The following C10orf90 variants were observed in gnomAD, a reference collection of about 807,000 sequenced individuals.
C10orf90 encodes (E2-independent) E3 ubiquitin-conjugating enzyme FATS.
A neutral mutation model predicts 62.5 loss-of-function variants in C10orf90; 56 were observed. The ratio of observed to expected loss-of-function variants is 0.90; its 90% CI spans 0.72 to 1.12. The LOEUF (loss-of-function observed/expected upper bound fraction) is 1.12. Ranked by LOEUF, C10orf90 falls within the 50% of genes most tolerant of loss-of-function variation. The pLI is 0.00. For missense variants in C10orf90, 970 were observed against 880.4 expected, an observed-to-expected ratio of 1.10 and a Z score of -1.29; for synonymous variants, 386 against 340.4, an observed-to-expected ratio of 1.13 and a Z score of -1.47.
chr10:126,535,766 C>T (rs948758691), intron 2 of C10orf90, among the ~76,000 whole-genome samples: 4 of 152,150 alleles, frequency 2.6e-5, no homozygotes, highest in African/African-American at 7.2e-5. Context: ...CTTTTCCTTT[C>T]TGAACACCCT....
intron 2 of C10orf90, among the ~76,000 whole-genome samples, chr10:126,591,262 A>G (rs1172526081): frequency 1.3e-5 from 2 of 152,218 alleles, no homozygotes; most frequent in Non-Finnish European, 2.9e-5. Flanking sequence ...ACTTCAGGCC[A>G]ATATCCCTGA....
chr10:126,643,397 T>C (rs1467401332), intron 2 of C10orf90, among the ~76,000 whole-genome samples: 1 of 152,198 alleles, frequency 6.6e-6, no homozygotes, highest in Non-Finnish European at 1.5e-5. Context: ...AGGACCTCTG[T>C]GGCCCCTCCC....
intron 2 of C10orf90, among the ~76,000 whole-genome samples, chr10:126,527,209 C>T (rs1273921668): frequency 6.6e-6 from 1 of 152,188 alleles, no homozygotes; most frequent in Non-Finnish European, 1.5e-5. Context: ...TTTTCGCCAG[C>T]CTTCCTCACA....
chr10:126,658,936 A>T (rs749783444), intron 1 of C10orf90, among the ~76,000 whole-genome samples: 1 of 152,118 alleles, frequency 6.6e-6, no homozygotes, highest in Non-Finnish European at 1.5e-5. Flanking sequence ...TTCATTTCGC[A>T]AGCTTCCTCC....
intron 4 of C10orf90, among the ~76,000 whole-genome samples, chr10:126,498,202 G>A (rs986454767): frequency 1.3e-5 from 2 of 152,162 alleles, no homozygotes; most frequent in African/African-American, 4.8e-5. Context: ...AACCTGGAGG[G>A]GTTAGGCACA....
At position 126,504,359 on chromosome 10, in the gene C10orf90, C is replaced by A. The variant is rs1221887191; in HGVS notation, c.1132G>T (p.Ala378Ser). 2 of 1,614,134 alleles carry A rather than the reference C, an allele frequency of 1.2e-6. No individual in the cohort carries two copies. The highest frequency in any genetic ancestry group is 2.2e-5 in the East Asian group (1 of 44,862). ...LSVPIEPPQI[A>S]SPKMHRSVLS... Reference sequence around the variant, plus strand: ...ACGGATCTGTGCATTTTGGGGCTGGCAATTTGAGGTGGCTCAATGGGGACG... The same window carrying A: ...ACGGATCTGTGCATTTTGGGGCTGGAAATTTGAGGTGGCTCAATGGGGACG... Residue 378 changes from alanine (A) to serine (S), a missense_variant, in exon 4 of 10, where the codon GCC becomes TCC. Physicochemically the swap from Ala to Ser is moderately conservative, Grantham distance 99. Transcript: ENST00000488181. The surrounding 1 kb of genome is among the most constrained non-coding windows in gnomAD (Gnocchi z 4.1).
At chr10:126,609,535 C>T (rs4962347) in intron 2 of C10orf90, among the ~76,000 whole-genome samples, 59,879 of 152,132 alleles carry the variant, frequency 0.39, 13,230 homozygotes, top group African/African-American at 0.6. Flanking sequence ...TATCTATCAA[C>T]AGGTACTGGG....
chr10:126,461,370 G>T (rs751587008), intron 6 of C10orf90, 31 bp downstream of exon 6: 2 of 1,604,200 alleles, frequency 1.2e-6, no homozygotes, highest in South Asian at 2.2e-5. Context: ...CCTTTGGCAG[G>T]AATCAAGCCA....
rs551433706 is a variant in C10orf90 at position 126,606,143 on chromosome 10, G to A, written c.313+40422C>T. 2.4e-4 allele frequency among the ~76,000 whole-genome samples: 37 copies of A among 152,252 alleles called. 1 individual carries two copies. Among genetic ancestry groups the A allele is most frequent in the African/African-American group, 8.4e-4 (35 of 41,556 alleles). Reference sequence around the variant, plus strand: ...CCCTGGGAACCCAGGCATTCTCAAGGGCTCTGCCCACAGTCCATGAAGCAA... The same window carrying A: ...CCCTGGGAACCCAGGCATTCTCAAGAGCTCTGCCCACAGTCCATGAAGCAA... On this transcript the variant is annotated intron_variant, in intron 2 of 9. Coordinates refer to ENST00000488181, the MANE Select transcript of C10orf90 (RefSeq NM_001350921.2).
intron 2 of C10orf90, among the ~76,000 whole-genome samples, chr10:126,609,035 T>C (rs1285169359): frequency 1.3e-5 from 2 of 152,224 alleles, no homozygotes; most frequent in Non-Finnish European, 2.9e-5. Context: ...ACAAGCTGTA[T>C]GGCCTTGGGC....
At chr10:126,466,595 AG>A (rs1293159385) in intron 4 of C10orf90, among the ~76,000 whole-genome samples, 1 of 152,076 alleles carries the variant, frequency 6.6e-6, no homozygotes, top group African/African-American at 2.4e-5. Context: ...AAGAGCAAAA[AG>A]TCTGGGGCTA....
chr10:126,530,061 A>T (rs1469474712), intron 2 of C10orf90, among the ~76,000 whole-genome samples: 1 of 152,236 alleles, frequency 6.6e-6, no homozygotes, highest in East Asian at 1.9e-4. Context: ...TTGCACTGGG[A>T]TATATAAGAC....
intron 2 of C10orf90, among the ~76,000 whole-genome samples, chr10:126,540,175 C>G (rs1253407716): frequency 6.6e-6 from 1 of 152,076 alleles, no homozygotes; most frequent in African/African-American, 2.4e-5. Flanking sequence ...AGACCTGTAT[C>G]AAAAGTATCA....
At chr10:126,613,230 GT>G (rs1845475119) in intron 2 of C10orf90, among the ~76,000 whole-genome samples, 1 of 151,954 alleles carries the variant, frequency 6.6e-6, no homozygotes, top group African/African-American at 2.4e-5. Flanking sequence ...TTTTGGTTTT[GT>G]TTTTGTTTTT....
intron 2 of C10orf90, among the ~76,000 whole-genome samples, chr10:126,543,114 C>T (rs148379489): frequency 1.2e-3 from 176 of 152,110 alleles, no homozygotes; most frequent in African/African-American, 3.9e-3. Context: ...GTGTGAACTC[C>T]GTACAGCAAT....
intron 3 of C10orf90, among the ~76,000 whole-genome samples, chr10:126,511,056 T>C (rs552781438): frequency 7.2e-5 from 11 of 152,364 alleles, no homozygotes; most frequent in South Asian, 4.1e-4. Context: ...TCTGCAGTCC[T>C]CTCCGCGTTT....
intron 4 of C10orf90, among the ~76,000 whole-genome samples, chr10:126,472,873 G>A (rs1246247402): frequency 6.6e-6 from 1 of 152,064 alleles, no homozygotes; most frequent in Admixed American, 6.6e-5. Flanking sequence ...AAGAAGGGAG[G>A]TGGCTTCCAT....
intron 7 of C10orf90, among the ~76,000 whole-genome samples, chr10:126,450,717 T>A (rs1315985387): frequency 6.6e-6 from 1 of 152,228 alleles, no homozygotes. Flanking sequence ...GAGTTAAATG[T>A]AATTCCTGAA....
intron 3 of C10orf90, among the ~76,000 whole-genome samples, chr10:126,508,879 G>A (rs1331007880): frequency 6.6e-6 from 1 of 152,148 alleles, no homozygotes; most frequent in Non-Finnish European, 1.5e-5. Context: ...ATCAACGAGG[G>A]GTGTGTTGCT....
Sources: allele counts gnomAD v4.1 joint callset (sites outside exome capture counted in the v4.1 genomes callset), GRCh38; gene constraint gnomAD v4.1.1; non-coding constraint Gnocchi (gnomAD v3.1); transcripts MANE v1.5; gene names NCBI Gene and HGNC (gene_info 2026-07-23, HGNC 2026-07-21).